Variants in BRD4 observed in about 807,000 individuals in gnomAD.
BRD4 encodes bromodomain-containing protein 4.
BRD4 carries 16 observed loss-of-function variants against 142.1 expected under a neutral mutation model. The ratio of observed to expected loss-of-function variants is 0.11; its 90% confidence interval spans 0.08 to 0.17. BRD4 has a LOEUF of 0.17. Among genes scored for constraint, BRD4 ranks in the 10% least tolerant of loss-of-function variants. The probability of loss-of-function intolerance (pLI) is 1.00; values close to 1 mark genes in which losing one functional copy is unlikely to be tolerated. For synonymous variants in BRD4, 833 were observed against 707.5 expected (o/e 1.18, Z -2.82); for missense variants, 1,424 against 1,810.9 (o/e 0.79, Z 3.88).
At chr19:15,250,917 T>A (rs1223037029) in intron 11 of BRD4, among the ~76,000 whole-genome samples, 1 of 152,186 alleles carries the variant, frequency 6.6e-6, no homozygotes, top group Non-Finnish European at 1.5e-5. Flanking sequence ...GGTCTGCAGA[T>A]GCCCTAGGGG....
intron 1 of BRD4, among the ~76,000 whole-genome samples, chr19:15,285,885 G>A (rs1050120039): frequency 6.6e-6 from 1 of 152,200 alleles, no homozygotes; most frequent in African/African-American, 2.4e-5. Flanking sequence ...GCTTAGTTAG[G>A]ATGGTGCCCA....
intron 11 of BRD4, chr19:15,246,383 C>CAAGGAA (rs1337908386): frequency 6.6e-6 from 1 of 152,198 alleles, no homozygotes. Context: ...TCTCCTGGCA[C>CAAGGAA]AAGGAGGTGA....
chr19:15,257,366 T>A (rs1417879075), intron 7 of BRD4, 193 bp from the exon 8 acceptor site: 1 of 587,826 alleles, frequency 1.7e-6, no homozygotes. Context: ...CTTGCAACAC[T>A]CTTCTCTCAA....
chr19:15,311,974 G>C (rs938137558), intron 1 of BRD4, among the ~76,000 whole-genome samples: 1 of 152,222 alleles, frequency 6.6e-6, no homozygotes, highest in South Asian at 2.1e-4. Context: ...AGCTTTGCAA[G>C]ATGAAAACTT....
intron 2 of BRD4, 48 bp downstream of exon 2, chr19:15,272,767 G>GAGA: frequency 7.7e-6 from 12 of 1,557,198 alleles, no homozygotes; most frequent in Non-Finnish European, 1.0e-5. Context: ...AGACATGCAG[G>GAGA]AGACGACCTC....
intron 1 of BRD4, among the ~76,000 whole-genome samples, chr19:15,283,597 T>C (rs991945157): frequency 1.3e-5 from 2 of 152,128 alleles, no homozygotes; most frequent in Non-Finnish European, 1.5e-5. Context: ...GGCTGAAATG[T>C]TCCAAAACAC....
At chr19:15,263,352 C>A in intron 7 of BRD4, 68 bp downstream of exon 7, 1 of 1,555,788 alleles carries the variant, frequency 6.4e-7, no homozygotes, top group South Asian at 1.2e-5. Flanking sequence ...CCAAGGCCCA[C>A]AGAAGTCTGC....
chr19:15,249,467 G>C lies in BRD4; in HGVS notation c.2158+4685C>G, dbSNP rs541649292. Among the ~76,000 whole-genome samples, 12 of 152,290 alleles carry C rather than the reference G, an allele frequency of 7.9e-5. No homozygotes were observed. In the East Asian group the frequency reaches 2.1e-3, roughly 27 times the overall value. ...CCGTGCCTGGCTAACCCTGGGTAGG[G>C]ACAGACCCACCGCCCGCTTAGAAAG... is the stretch of plus-strand genomic sequence containing the variant. On this transcript the variant is annotated intron_variant, in intron 11 of 19. Coordinates refer to ENST00000679869, the MANE Select transcript of BRD4 (RefSeq NM_001379291.1).
At chr19:15,305,317 C>T (rs1455868144) in intron 1 of BRD4, among the ~76,000 whole-genome samples, 1 of 152,152 alleles carries the variant, frequency 6.6e-6, no homozygotes, top group Non-Finnish European at 1.5e-5. Flanking sequence ...GCTGGGATTA[C>T]AGGCATGAGC....
intron 1 of BRD4, among the ~76,000 whole-genome samples, chr19:15,312,840 C>T (rs2047983735): frequency 6.6e-6 from 1 of 151,644 alleles, no homozygotes; most frequent in Non-Finnish European, 1.5e-5. Flanking sequence ...GAGGCTGAGG[C>T]AAGAGAATTG....
Position 15,310,358 on chromosome 19 carries a change from TCCCCCCCCCCCCCCC to T in BRD4, c.-35+21917_-35+21931del, listed in dbSNP as rs869177682. 1.9e-4 allele frequency among the ~76,000 whole-genome samples: 5 copies of T among 25,674 alleles called. No homozygotes were observed. In the East Asian group the frequency reaches 4.3e-3, roughly 22 times the overall value. The allele number at this position is 25,674 out of a possible 152,430, so 16.8% of individuals were successfully genotyped here. A position where few individuals can be genotyped will look rare whatever the true frequency, so the allele number is the denominator to read the frequency against. On this transcript the variant is annotated intron_variant, in intron 1 of 19. Transcript: ENST00000679869. ...CACCATGTCCGGCTGATTTTTGGATTCCCCCCCCCCCCCCCCCCCCCCGAAGGAGTCTCACTCTGT... is the reference window on the plus strand; with the variant it reads ...CACCATGTCCGGCTGATTTTTGGATTCCCCCCCGAAGGAGTCTCACTCTGT...
intron 1 of BRD4, among the ~76,000 whole-genome samples, chr19:15,315,939 A>G (rs2048013922): frequency 6.6e-6 from 1 of 150,672 alleles, no homozygotes; most frequent in Non-Finnish European, 1.5e-5. Flanking sequence ...GCGGATCACG[A>G]GGTCAGGAGA....
chr19:15,236,335 C>T lies in BRD4; in HGVS notation c.*2042G>A, dbSNP rs1468699227. On this transcript the variant is annotated 3_prime_UTR_variant, in exon 20 of 20. Coordinates refer to ENST00000679869, the MANE Select transcript of BRD4 (RefSeq NM_001379291.1). ...CACAGGCAGAGCAGCCACCTGTGGGCTTTCTTGGACAGGAATGTGTGTGTA... is the reference window on the plus strand; with the variant it reads ...CACAGGCAGAGCAGCCACCTGTGGGTTTTCTTGGACAGGAATGTGTGTGTA... 8 of 152,122 alleles carry T rather than the reference C, an allele frequency of 5.3e-5. No homozygotes were observed. Among genetic ancestry groups the T allele is most frequent in the Admixed American group, 5.2e-4 (8 of 15,268 alleles). The allele number at this position is 152,122 out of a possible 1,614,324, so 9.4% of individuals were successfully genotyped here. A position where few individuals can be genotyped will look rare whatever the true frequency, so the allele number is the denominator to read the frequency against.
At chr19:15,264,196 G>A (rs1599463153) in intron 6 of BRD4, 1 of 618,604 alleles carries the variant, frequency 1.6e-6, no homozygotes, top group Non-Finnish European at 2.7e-6. Flanking sequence ...ACAGGCATCT[G>A]TAGCCACAAT....
chr19:15,240,332 G>C (rs2047228651), intron 14 of BRD4, among the ~76,000 whole-genome samples: 1 of 152,194 alleles, frequency 6.6e-6, no homozygotes, highest in South Asian at 2.1e-4. Context: ...CCTCCTGTGT[G>C]CATCAGAATC....
In BRD4 at chr19:15,238,884, TTGCTCCTGGCGCTGC is replaced by T; in HGVS notation, c.3864_3878del (p.Arg1290_Gln1294del). 1 of 1,598,132 alleles carries T rather than the reference TTGCTCCTGGCGCTGC, an allele frequency of 6.3e-7. No homozygotes were observed. Among genetic ancestry groups the T allele is most frequent in the Admixed American group, 1.7e-5 (1 of 58,254 alleles). On this transcript the variant is annotated inframe_deletion, in exon 19 of 20. Coordinates refer to ENST00000679869, the MANE Select transcript of BRD4 (RefSeq NM_001379291.1). This position sits in a 1 kb window ranked among gnomAD's most constrained non-coding sequence, Gnocchi z 7.2. Reference sequence around the variant, plus strand: ...CTGCTTGCTGTTGCTGCTGCTGCTGTTGCTCCTGGCGCTGCTGCTGCTGCTGCTCCTGGCGCCGAC... The same window carrying T: ...CTGCTTGCTGTTGCTGCTGCTGCTGTTGCTGCTGCTGCTCCTGGCGCCGAC...
At chr19:15,295,013 T>C (rs2047812241) in intron 1 of BRD4, among the ~76,000 whole-genome samples, 1 of 152,238 alleles carries the variant, frequency 6.6e-6, no homozygotes, top group African/African-American at 2.4e-5. Context: ...TACTACTTTG[T>C]GCTGTTTACA....
intron 1 of BRD4, among the ~76,000 whole-genome samples, chr19:15,329,877 T>A (rs913090657): frequency 7.2e-5 from 11 of 152,182 alleles, no homozygotes; most frequent in Non-Finnish European, 1.2e-4. Context: ...AGTACAAAGA[T>A]CACAACAACT....
intron 1 of BRD4, among the ~76,000 whole-genome samples, chr19:15,312,153 A>T (rs2145713213): frequency 6.6e-6 from 1 of 152,366 alleles, no homozygotes; most frequent in Admixed American, 6.5e-5. Flanking sequence ...GGTCAAATGA[A>T]ATGCCACACA....
Sources: allele counts gnomAD v4.1 joint callset (sites outside exome capture counted in the v4.1 genomes callset), GRCh38; gene constraint gnomAD v4.1.1; non-coding constraint Gnocchi (gnomAD v3.1); transcripts MANE v1.5; gene names NCBI Gene and HGNC (gene_info 2026-07-23, HGNC 2026-07-21).